The following PDSS2 variants were observed in gnomAD, a reference collection of about 807,000 sequenced individuals.
The protein encoded by PDSS2 is all trans-polyprenyl-diphosphate synthase PDSS2.
A neutral mutation model predicts 44.5 loss-of-function variants in PDSS2; 31 were observed. The observed-to-expected ratio is 0.70, with a 90% CI of 0.52 to 0.94. PDSS2 has a LOEUF of 0.94. Among genes scored for constraint, PDSS2 ranks in the 40% least tolerant of loss-of-function variants. PDSS2 has a pLI of 0.00. For missense variants in PDSS2, 452 were observed against 482.2 expected, an observed-to-expected ratio of 0.94 and a Z score of 0.59; for synonymous variants, 157 against 180.3, an observed-to-expected ratio of 0.87 and a Z score of 1.03.
At chr6:107,444,681 T>G (rs766411058) in intron 1 of PDSS2, among the ~76,000 whole-genome samples, 86 of 152,166 alleles carry the variant, frequency 5.7e-4, no homozygotes, top group Non-Finnish European at 1.0e-3. Context: ...TTCATAAACA[T>G]GGAAGAGACT....
intron 7 of PDSS2, among the ~76,000 whole-genome samples, chr6:107,178,409 T>G (rs7773194): frequency 0.022 from 3,407 of 152,260 alleles, 128 homozygotes; most frequent in African/African-American, 0.076. Context: ...GGAAGGTGTA[T>G]TTGTTAACTT....
chr6:107,433,445 G>A (rs1781255845), intron 1 of PDSS2, among the ~76,000 whole-genome samples: 2 of 152,056 alleles, frequency 1.3e-5, no homozygotes, highest in South Asian at 4.1e-4. Context: ...ACAGAATAGA[G>A]AACCCAGAAA....
chr6:107,294,373 G>A (rs1776442067), intron 2 of PDSS2, among the ~76,000 whole-genome samples: 1 of 151,958 alleles, frequency 6.6e-6, no homozygotes, highest in South Asian at 2.1e-4. Context: ...GTATTTTCAT[G>A]TATAAAAGTT....
intron 7 of PDSS2, among the ~76,000 whole-genome samples, chr6:107,163,693 C>A (rs559418748): frequency 1.7e-4 from 26 of 151,922 alleles, no homozygotes; most frequent in Non-Finnish European, 3.1e-4. Context: ...GCCTCTGTCT[C>A]CCGGGTTCCA....
At chr6:107,364,577 G>C (rs1178786955) in intron 1 of PDSS2, among the ~76,000 whole-genome samples, 1 of 152,240 alleles carries the variant, frequency 6.6e-6, no homozygotes, top group African/African-American at 2.4e-5. Flanking sequence ...CGGAACTCCA[G>C]CTGGCCCGCA....
At chr6:107,328,143 G>A (rs188610671) in intron 2 of PDSS2, among the ~76,000 whole-genome samples, 1 of 152,312 alleles carries the variant, frequency 6.6e-6, no homozygotes, top group East Asian at 1.9e-4. Flanking sequence ...AGCATGACTG[G>A]GGTCTGGAAT....
intron 1 of PDSS2, among the ~76,000 whole-genome samples, chr6:107,446,676 T>C (rs934454302): frequency 2.0e-5 from 3 of 152,034 alleles, no homozygotes; most frequent in African/African-American, 7.2e-5. Context: ...CAAAAGCACC[T>C]CTTCACAGGC....
intron 1 of PDSS2, among the ~76,000 whole-genome samples, chr6:107,394,833 A>T (rs1779891356): frequency 6.6e-6 from 1 of 152,158 alleles, no homozygotes; most frequent in African/African-American, 2.4e-5. Context: ...AATTATCCTT[A>T]AATTTTTAAA....
intron 2 of PDSS2, among the ~76,000 whole-genome samples, chr6:107,297,519 G>T (rs1023892300): frequency 4.6e-5 from 7 of 150,680 alleles, no homozygotes; most frequent in African/African-American, 1.7e-4. Context: ...AGTAGCTGGG[G>T]TTACAGGCGT....
At chr6:107,421,509 G>A (rs1780821940) in intron 1 of PDSS2, among the ~76,000 whole-genome samples, 1 of 151,986 alleles carries the variant, frequency 6.6e-6, no homozygotes, top group Non-Finnish European at 1.5e-5. Flanking sequence ...CAGTAAAAGG[G>A]AACAAACTAC....
At chr6:107,337,538 G>A (rs1777943621) in intron 1 of PDSS2, among the ~76,000 whole-genome samples, 1 of 152,182 alleles carries the variant, frequency 6.6e-6, no homozygotes, top group African/African-American at 2.4e-5. Flanking sequence ...GGGTAACAAT[G>A]TCTACTTTTC....
intron 1 of PDSS2, among the ~76,000 whole-genome samples, chr6:107,342,159 A>G (rs1057303031): frequency 2.0e-5 from 3 of 151,936 alleles, no homozygotes; most frequent in African/African-American, 7.3e-5. Context: ...CCCTGCACCC[A>G]GCAGAGCAAC....
At position 107,357,226 on chromosome 6, in the gene PDSS2, G is replaced by A. The variant is rs147471182; in HGVS notation, c.297-22894C>T. Among the ~76,000 whole-genome samples, 1,199 of 152,138 alleles carry A rather than the reference G, an allele frequency of 7.9e-3. 21 individuals carry two copies. The highest frequency in any genetic ancestry group is 0.026 in the African/African-American group (1,061 of 41,508). On this transcript the variant is annotated intron_variant, in intron 1 of 7. Coordinates refer to ENST00000369037, the MANE Select transcript of PDSS2 (RefSeq NM_020381.4). ...AAATAGGGCTTCATTAACAATAAAG[G>A]AACAGGTGTCTTGGGACCCATTTAT...
chr6:107,414,556 C>A (rs1358147674), intron 1 of PDSS2, among the ~76,000 whole-genome samples: 1 of 152,192 alleles, frequency 6.6e-6, no homozygotes, highest in Non-Finnish European at 1.5e-5. Flanking sequence ...TAGGTGGCTG[C>A]CTAAACTGGA....
chr6:107,248,533 A>G (rs1308445051), intron 3 of PDSS2, among the ~76,000 whole-genome samples: 1 of 151,734 alleles, frequency 6.6e-6, no homozygotes, highest in Admixed American at 6.6e-5. Context: ...AAAAAAAAAA[A>G]AAAAGCAGAA....
At chr6:107,210,993 C>CAA (rs11345405) in intron 5 of PDSS2, among the ~76,000 whole-genome samples, 7 of 105,722 alleles carry the variant, frequency 6.6e-5, no homozygotes, top group African/African-American at 2.3e-4. Context: ...AACTCCGTCT[C>CAA]AAAAAAAAAA....
At chr6:107,233,389 G>T (rs1050388086) in intron 4 of PDSS2, among the ~76,000 whole-genome samples, 2 of 152,050 alleles carry the variant, frequency 1.3e-5, no homozygotes, top group South Asian at 4.1e-4. Context: ...AATGTTCCAG[G>T]AGTACTCAAT....
chr6:107,459,005 A>C lies in PDSS2; in HGVS notation c.281T>G (p.Leu94Arg). The change falls in exon 1 of 8, where the codon CTG (leucine) becomes CGG (arginine). Residue 94 changes from leucine to arginine, a missense_variant. Coordinates refer to ENST00000369037, the MANE Select transcript of PDSS2 (RefSeq NM_020381.4). The surrounding 1 kb of genome is among the most constrained non-coding windows in gnomAD (Gnocchi z 4.3). ...VRKLVGTQHP[L>R]LTTARGLVHD... is the part of the protein sequence containing the mutation. Reference sequence around the variant, plus strand: ...GGTAGCTCACCTGGCTGTGGTAAGCAGAGGGTGCTGAGTGCCCACCAGCTT... The same window carrying C: ...GGTAGCTCACCTGGCTGTGGTAAGCCGAGGGTGCTGAGTGCCCACCAGCTT... The C allele has an allele frequency of 6.2e-7, 1 of 1,614,172 alleles. No homozygotes were observed. Among genetic ancestry groups the C allele is most frequent in the African/African-American group, 1.3e-5 (1 of 75,058 alleles).
intron 2 of PDSS2, among the ~76,000 whole-genome samples, chr6:107,277,824 G>C (rs560328394): frequency 6.6e-6 from 1 of 152,048 alleles, no homozygotes; most frequent in Admixed American, 6.6e-5. Flanking sequence ...GTGTTGGCGG[G>C]TGCCTGACTA....
Sources: gnomAD v4.1 joint callset for allele counts (sites outside exome capture counted in the v4.1 genomes callset) on GRCh38, gnomAD v4.1.1 for gene constraint, Gnocchi (gnomAD v3.1) non-coding constraint, MANE v1.5 for transcripts, NCBI Gene and HGNC (gene_info 2026-07-23, HGNC 2026-07-21) for gene names.